Variants in EIF4G3 observed in about 807,000 individuals in gnomAD.
EIF4G3 encodes eukaryotic translation initiation factor 4 gamma 3, also known as eIF-4-gamma 3.
In EIF4G3, 34 loss-of-function variants were observed where a neutral mutation model predicts 186.4. The ratio of observed to expected loss-of-function variants is 0.18; its 90% CI spans 0.14 to 0.24. EIF4G3 has a LOEUF of 0.24. EIF4G3 is among the 10% of genes least tolerant of loss of function. The probability of loss-of-function intolerance (pLI) is 1.00; values close to 1 mark genes in which losing one functional copy is unlikely to be tolerated. For synonymous variants in EIF4G3, 673 were observed against 679.5 expected (o/e 0.99, Z 0.15); for missense variants, 1,536 against 1,948.5 (o/e 0.79, Z 3.99).
chr1:21,098,540 G>GGAAAAAAAAAAAA (rs2096437145), intron 2 of EIF4G3, among the ~76,000 whole-genome samples: 1 of 72,720 alleles, frequency 1.4e-5, no homozygotes, highest in African/African-American at 4.8e-5. Context: ...GCCCTGTCTC[G>GGAAAAAAAAAAAA]AAAAAAAAAA....
intron 31 of EIF4G3, among the ~76,000 whole-genome samples, chr1:20,828,786 T>C (rs1444824431): frequency 1.3e-5 from 2 of 152,156 alleles, no homozygotes; most frequent in Non-Finnish European, 2.9e-5. Flanking sequence ...GGTAATGCAG[T>C]CTGACAAGTT....
chr1:20,977,504 T>C (rs1413677149), intron 10 of EIF4G3, among the ~76,000 whole-genome samples: 1 of 152,204 alleles, frequency 6.6e-6, no homozygotes, highest in East Asian at 1.9e-4. Flanking sequence ...ATTTTTATCA[T>C]TAATTTAGTT....
chr1:20,878,903 C>T (rs2081573185), intron 20 of EIF4G3, among the ~76,000 whole-genome samples: 1 of 152,202 alleles, frequency 6.6e-6, no homozygotes, highest in South Asian at 2.1e-4. Flanking sequence ...TTTTTGACTA[C>T]AGAACAACTA....
intron 3 of EIF4G3, among the ~76,000 whole-genome samples, chr1:21,056,138 G>C (rs1297007413): frequency 5.9e-5 from 9 of 152,168 alleles, no homozygotes; most frequent in African/African-American, 1.9e-4. Flanking sequence ...CCTATGGTAT[G>C]CATCCTTTGC....
intron 4 of EIF4G3, among the ~76,000 whole-genome samples, chr1:21,016,969 A>AAAAAC (rs953452361): frequency 6.6e-6 from 1 of 152,128 alleles, no homozygotes; most frequent in Non-Finnish European, 1.5e-5. Context: ...CTCTCATTTA[A>AAAAAC]AAAACAAAAC....
chr1:21,127,559 T>C (rs142843851), intron 2 of EIF4G3, among the ~76,000 whole-genome samples: 92 of 152,368 alleles, frequency 6.0e-4, no homozygotes, highest in Non-Finnish European at 1.1e-3. Context: ...TTAATGTTTG[T>C]TGAATAAAGG....
chr1:21,083,037 C>CAAAAAAAAAAAA (rs544781256), intron 3 of EIF4G3, among the ~76,000 whole-genome samples: 32 of 66,420 alleles, frequency 4.8e-4, no homozygotes, highest in African/African-American at 8.7e-4. Context: ...GACTCTGTCT[C>CAAAAAAAAAAAA]AAAAAAAAAA....
chr1:20,989,003 C>T (rs1450351407), intron 7 of EIF4G3, among the ~76,000 whole-genome samples: 1 of 129,580 alleles, frequency 7.7e-6, no homozygotes, highest in African/African-American at 3.0e-5. Context: ...GAGTTTGAGG[C>T]TAGCCCAGGT....
At chr1:21,167,719 C>T (rs1434969697) in intron 2 of EIF4G3, among the ~76,000 whole-genome samples, 1 of 152,098 alleles carries the variant, frequency 6.6e-6, no homozygotes, top group South Asian at 2.1e-4. Flanking sequence ...GATCACAACA[C>T]TGCAATCCAG....
chr1:20,959,966 A>T (rs1478641016), intron 12 of EIF4G3, among the ~76,000 whole-genome samples: 1 of 152,158 alleles, frequency 6.6e-6, no homozygotes, highest in Non-Finnish European at 1.5e-5. Flanking sequence ...TATAACCTCT[A>T]TGGAAAACAG....
intron 12 of EIF4G3, among the ~76,000 whole-genome samples, chr1:20,965,689 A>AATACCCCTTTCCCTTTC (rs1558472526): frequency 1.5e-5 from 1 of 68,584 alleles, no homozygotes; most frequent in African/African-American, 4.4e-5. Flanking sequence ...AATTAGATCA[A>AATACCCCTTTCCCTTTC]ATGGTGTCTC....
rs2076541724 is a variant in EIF4G3 at position 20,862,284 on chromosome 1, T to G, written c.3055A>C (p.Arg1019=). 6.2e-7 allele frequency: 1 copy of G among 1,613,134 alleles called. No individual in the cohort carries two copies. The highest frequency in any genetic ancestry group is 1.3e-5 in the African/African-American group (1 of 74,904). Residue 1019 remains arginine (R), a synonymous_variant, in exon 23 of 37, where the codon AGA becomes CGA. Transcript: ENST00000602326. ...FNQMEKIVKE[R]KTSSRIRFML... is the part of the protein sequence containing the mutation. ...AACCGAATCCTAGATGAGGTTTTTC[T>G]TTCTTTCACAATTTTCTCCATCTGA... is the stretch of plus-strand genomic sequence containing the variant.
At chr1:21,029,873 C>A (rs2092578950) in intron 4 of EIF4G3, among the ~76,000 whole-genome samples, 1 of 152,028 alleles carries the variant, frequency 6.6e-6, no homozygotes, top group South Asian at 2.1e-4. Flanking sequence ...ATTTTTTATT[C>A]TTGAGACAGG....
intron 6 of EIF4G3, among the ~76,000 whole-genome samples, chr1:20,998,488 A>C (rs985929200): frequency 6.6e-6 from 1 of 152,200 alleles, no homozygotes; most frequent in African/African-American, 2.4e-5. Flanking sequence ...TTCCTCAGCT[A>C]AATCATAGAG....
At chr1:21,054,477 A>G (rs1036292508) in intron 3 of EIF4G3, among the ~76,000 whole-genome samples, 23 of 149,620 alleles carry the variant, frequency 1.5e-4, no homozygotes, top group African/African-American at 5.5e-4. Flanking sequence ...AAAAAAAAAA[A>G]GAAAAGAAAA....
In EIF4G3 at chr1:21,002,035, C is replaced by T. The variant is rs2154568938; in HGVS notation, c.30+678G>A. 2.6e-5 allele frequency among the ~76,000 whole-genome samples: 4 copies of T among 152,308 alleles called. No individual in the cohort carries two copies. The Middle Eastern group carries it at 0.01, about 389-fold the overall frequency. On this transcript the variant is annotated intron_variant, in intron 5 of 36. Transcript: ENST00000602326. ...TCTAGCCAAAGCTAATCATGCAGGGCAGGAAACGATGTTCTAAGGAATGGA... is the reference window on the plus strand; with the variant it reads ...TCTAGCCAAAGCTAATCATGCAGGGTAGGAAACGATGTTCTAAGGAATGGA...
At chr1:21,006,348 G>A (rs1168867836) in intron 4 of EIF4G3, among the ~76,000 whole-genome samples, 1 of 152,112 alleles carries the variant, frequency 6.6e-6, no homozygotes, top group Non-Finnish European at 1.5e-5. Context: ...GATCAATGAA[G>A]GATCATTTCA....
intron 4 of EIF4G3, among the ~76,000 whole-genome samples, chr1:21,017,342 T>C (rs1016918388): frequency 7.2e-5 from 11 of 152,034 alleles, no homozygotes; most frequent in African/African-American, 2.7e-4. Context: ...AAGTTTAGTG[T>C]CCTTGGCCGG....
intron 2 of EIF4G3, among the ~76,000 whole-genome samples, chr1:21,141,661 G>C (rs2097341881): frequency 6.6e-6 from 1 of 152,140 alleles, no homozygotes; most frequent in African/African-American, 2.4e-5. Context: ...AGAAACAGTG[G>C]CTCATGCCTG....
Sources: allele counts gnomAD v4.1 joint callset (sites outside exome capture counted in the v4.1 genomes callset), GRCh38; gene constraint gnomAD v4.1.1; transcripts MANE v1.5; gene names NCBI Gene and HGNC (gene_info 2026-07-23, HGNC 2026-07-21).